ANKRD12: variants seen among roughly 807,000 people sequenced by gnomAD.
ANKRD12 encodes the protein ankyrin repeat domain 12.
Under a neutral mutation model 183.4 loss-of-function variants are expected in ANKRD12, and 85 were observed. The ratio of observed to expected loss-of-function variants is 0.46; its 90% CI spans 0.39 to 0.56. ANKRD12 has a LOEUF of 0.56. ANKRD12 is among the 20% of genes least tolerant of loss of function. The pLI, the probability that ANKRD12 is intolerant of heterozygous loss-of-function variation, is 0.00. For synonymous variants in ANKRD12, 914 were observed against 800.2 expected (o/e 1.14, Z -2.40); for missense variants, 2,405 against 2,357.1 (o/e 1.02, Z -0.42).
At chr18:9,249,294 AATATAAC>A (rs1024204798) in intron 8 of ANKRD12, among the ~76,000 whole-genome samples, 4 of 152,304 alleles carry the variant, frequency 2.6e-5, no homozygotes, top group Middle Eastern at 3.4e-3. Flanking sequence ...CACCGAACAT[AATATAAC>A]ATATAAAAGT....
chr18:9,277,832 A>G lies in ANKRD12; in HGVS notation c.5908-1717A>G, dbSNP rs574827886. Reference sequence around the variant, plus strand: ...CCAGTATCATACAGGTTAAAAAGAGAATTTAAAAAATAAATGCGTTTTCCT... The same window carrying G: ...CCAGTATCATACAGGTTAAAAAGAGGATTTAAAAAATAAATGCGTTTTCCT... On this transcript the variant is annotated intron_variant, in intron 11 of 12. Coordinates refer to ENST00000262126, the MANE Select transcript of ANKRD12 (RefSeq NM_015208.5). Among the ~76,000 whole-genome samples the G allele has an allele frequency of 2.6e-5, 4 of 152,298 alleles. No individual in the cohort carries two copies. In the South Asian group the frequency reaches 6.2e-4, roughly 24 times the overall value.
At chr18:9,171,002 A>G (rs7240452) in intron 1 of ANKRD12, among the ~76,000 whole-genome samples, 119,864 of 152,060 alleles carry the variant, frequency 0.79, 47,452 homozygotes, top group Middle Eastern at 0.88. Flanking sequence ...TTTCAGTAGC[A>G]GTGGCTGCAG....
chr18:9,259,723 A>G (rs1223739868), intron 9 of ANKRD12: 2 of 152,204 alleles, frequency 1.3e-5, no homozygotes, highest in African/African-American at 4.8e-5. Context: ...ACAGCACAAT[A>G]TAGTAGAAAG....
At chr18:9,181,207 T>C (rs981937957) in intron 1 of ANKRD12, among the ~76,000 whole-genome samples, 1 of 152,220 alleles carries the variant, frequency 6.6e-6, no homozygotes, top group Non-Finnish European at 1.5e-5. Context: ...TGTGTTGTAA[T>C]GTATTCTGAT....
chr18:9,281,127 C>CT lies in ANKRD12; in HGVS notation c.*1_*2insT. The CT allele has an allele frequency of 6.2e-7, 1 of 1,609,242 alleles. No individual in the cohort carries two copies. The highest frequency in any genetic ancestry group is 2.2e-5 in the East Asian group (1 of 44,836). ...CGACTTTGAATTGACTCCTATATAG[C>CT]AGTCAGTACTTCCTGATGGTATTGT... On this transcript the variant is annotated 3_prime_UTR_variant, in exon 13 of 13. Transcript: ENST00000262126.
At chr18:9,275,303 A>AT (rs1568006616) in intron 10 of ANKRD12, among the ~76,000 whole-genome samples, 9 of 150,378 alleles carry the variant, frequency 6.0e-5, no homozygotes, top group Admixed American at 3.3e-4. Context: ...TGTCTCTAAA[A>AT]ATATATATAT....
rs764725509 is a variant in ANKRD12 at position 9,256,973 on chromosome 18, G to C, written c.3706G>C (p.Glu1236Gln). The stretch of plus-strand genomic sequence containing the variant: ...TGAGTATGACTCTGACTTTATGTTA[G>C]AGAGTTCAGAATCCCAAATGTCCTT... ...PVEYDSDFML[E>Q]SSESQMSFSQ... Residue 1236 changes from glutamate to glutamine, a missense_variant, in exon 9 of 13, where the codon GAG becomes CAG. Coordinates refer to ENST00000262126, the MANE Select transcript of ANKRD12 (RefSeq NM_015208.5). The C allele has an allele frequency of 1.9e-6, 3 of 1,613,976 alleles. No homozygotes were observed. The highest frequency in any genetic ancestry group is 1.7e-6 in the Non-Finnish European group (2 of 1,180,002).
chr18:9,148,790 C>G (rs190057318), intron 1 of ANKRD12, among the ~76,000 whole-genome samples: 1 of 152,216 alleles, frequency 6.6e-6, no homozygotes, highest in Non-Finnish European at 1.5e-5. Flanking sequence ...CCAAGGGCAC[C>G]TTTCTGAACA....
chr18:9,257,127 G>A lies in ANKRD12; in HGVS notation c.3860G>A (p.Arg1287Lys), dbSNP rs769579923. 1 of 1,614,120 alleles carries A rather than the reference G, an allele frequency of 6.2e-7. No homozygotes were observed. Among genetic ancestry groups the A allele is most frequent in the Non-Finnish European group, 8.5e-7 (1 of 1,180,004 alleles). The change falls in exon 9 of 13, where the codon AGG (arginine) becomes AAG (lysine). Residue 1287 changes from arginine (R) to lysine (K), a missense_variant. Physicochemically the swap from Arg to Lys is conservative, Grantham distance 26. Transcript: ENST00000262126. Reference protein sequence around the residue: ...YANRLSTSHLRSSSVEDVKLI... With the variant: ...YANRLSTSHLKSSSVEDVKLI... ...AACAGACTTTCAACATCCCATCTTA[G>A]GTCATCTTCTGTAGAAGATGTTAAA...
intron 8 of ANKRD12, among the ~76,000 whole-genome samples, chr18:9,233,833 A>G (rs2037191085): frequency 6.6e-6 from 1 of 152,068 alleles, no homozygotes; most frequent in Non-Finnish European, 1.5e-5. Flanking sequence ...CCTTATTCTG[A>G]GCCCCAGCCC....
In ANKRD12 at chr18:9,189,190, A is replaced by T. The variant is rs890312499; in HGVS notation, c.88-6361A>T. Among the ~76,000 whole-genome samples the T allele has an allele frequency of 3.9e-5, 6 of 152,214 alleles. No individual in the cohort carries two copies. In the East Asian group the frequency reaches 1.2e-3, roughly 29 times the overall value. On this transcript the variant is annotated intron_variant, in intron 2 of 12. Coordinates refer to ENST00000262126, the MANE Select transcript of ANKRD12 (RefSeq NM_015208.5). ...AAGTTTGGAGTGGTCTGGATAGAAG[A>T]TCAAACCAGCTACAACATCCCCTTA...
intron 4 of ANKRD12, among the ~76,000 whole-genome samples, chr18:9,205,353 CTAG>C (rs1333924453): frequency 5.3e-4 from 81 of 151,868 alleles, no homozygotes; most frequent in Non-Finnish European, 6.2e-4. Flanking sequence ...GTCTAAGTGT[CTAG>C]TTTTCAGCAT....
intron 10 of ANKRD12, among the ~76,000 whole-genome samples, chr18:9,268,241 A>C (rs1167807871): frequency 6.6e-6 from 1 of 152,184 alleles, no homozygotes; most frequent in African/African-American, 2.4e-5. Flanking sequence ...CAATAGAAAA[A>C]GAGGGAATCC....
At chr18:9,240,885 A>C (rs2037620626) in intron 8 of ANKRD12, among the ~76,000 whole-genome samples, 1 of 152,166 alleles carries the variant, frequency 6.6e-6, no homozygotes, top group Non-Finnish European at 1.5e-5. Context: ...TTTGAAGCCT[A>C]CTTTTCTCAG....
At chr18:9,217,015 G>C in intron 7 of ANKRD12, 115 bp downstream of exon 7, 1 of 922,022 alleles carries the variant, frequency 1.1e-6, no homozygotes, top group Non-Finnish European at 1.6e-6. Flanking sequence ...CTCATTGCTT[G>C]AACAACTCAT....
chr18:9,195,643 TA>T lies in ANKRD12; in HGVS notation c.183del (p.Lys61AsnfsTer83). Reference protein sequence around the residue: ...EMKEKSSMKRKLPFTISPSRN... With the variant: ...EMKEKSSMKRXLPFTISPSRN... ...TGAAAGAGAAATCATCCATGAAACGTAAACTTCCTTTTACTATTAGCCCATC... is the reference window on the plus strand; with the variant it reads ...TGAAAGAGAAATCATCCATGAAACGTAACTTCCTTTTACTATTAGCCCATC... On this transcript the variant is annotated frameshift_variant, in exon 3 of 13. Coordinates refer to ENST00000262126, the MANE Select transcript of ANKRD12 (RefSeq NM_015208.5). LOFTEE classifies it high-confidence loss of function. The T allele has an allele frequency of 6.2e-7, 1 of 1,613,092 alleles. No individual in the cohort carries two copies. The highest frequency in any genetic ancestry group is 8.5e-7 in the Non-Finnish European group (1 of 1,179,518).
At chr18:9,212,192 C>A (rs1459409190) in intron 6 of ANKRD12, among the ~76,000 whole-genome samples, 1 of 151,834 alleles carries the variant, frequency 6.6e-6, no homozygotes, top group Non-Finnish European at 1.5e-5. Context: ...AGTAGCATAC[C>A]AGTACATTCT....
chr18:9,219,878 A>G (rs907194905), intron 7 of ANKRD12, among the ~76,000 whole-genome samples: 6 of 152,184 alleles, frequency 3.9e-5, no homozygotes, highest in African/African-American at 1.4e-4. Flanking sequence ...CCCCAGTCTT[A>G]CACAGCCCAG....
intron 1 of ANKRD12, among the ~76,000 whole-genome samples, chr18:9,167,107 T>C (rs1025127647): frequency 6.6e-5 from 10 of 152,198 alleles, no homozygotes; most frequent in African/African-American, 2.4e-4. Context: ...CCATGCTGTT[T>C]TGGTTACTGT....
Sources: gnomAD v4.1 joint callset for allele counts (sites outside exome capture counted in the v4.1 genomes callset) on GRCh38, gnomAD v4.1.1 for gene constraint, MANE v1.5 for transcripts, NCBI Gene and HGNC (gene_info 2026-07-23, HGNC 2026-07-21) for gene names.